Variants in ACADVL observed in about 807,000 individuals in gnomAD.
ACADVL encodes acyl-CoA dehydrogenase very long chain, also known as very long-chain acyl-CoA dehydrogenase, mitochondrial.
Under a neutral mutation model 80.4 loss-of-function variants are expected in ACADVL, and 73 were observed. That is an observed-to-expected ratio of 0.91 (90% confidence interval 0.75 to 1.10). The LOEUF (loss-of-function observed/expected upper bound fraction) is 1.10, where lower values mean the gene tolerates loss of function less well. Ranked by LOEUF, ACADVL falls within the 50% of genes least tolerant of loss-of-function variation. ACADVL has a pLI of 0.00. For missense variants in ACADVL, 878 were observed against 858.9 expected, an observed-to-expected ratio of 1.02 and a Z score of -0.28; for synonymous variants, 392 against 326.5, an observed-to-expected ratio of 1.20 and a Z score of -2.16.
In ACADVL at chr17:7,222,825, C is replaced by G; in HGVS notation, c.1037C>G (p.Ala346Gly). 6.2e-7 allele frequency: 1 copy of G among 1,613,332 alleles called. No individual in the cohort carries two copies. Among genetic ancestry groups the G allele is most frequent in the South Asian group, 1.1e-5 (1 of 91,034 alleles). The change falls in exon 10 of 20, where the codon GCG becomes GGG. Residue 346 changes from alanine to glycine, a missense_variant. Ala to Gly is a moderately conservative substitution (Grantham distance 60). Coordinates refer to ENST00000356839, the MANE Select transcript of ACADVL (RefSeq NM_000018.4). ...AACAATGGAAGGTTTGGCATGGCTG[C>G]GGCCCTGGCAGGTACCATGAGAGGC... is the stretch of plus-strand genomic sequence containing the variant. ...ILNNGRFGMA[A>G]ALAGTMRGII...
At position 7,220,448 on chromosome 17, in the gene ACADVL, C is replaced by T. The variant is rs758986446; in HGVS notation, c.139-16C>T. 12 of 1,614,104 alleles carry T rather than the reference C, an allele frequency of 7.4e-6. No homozygotes were observed. The South Asian group carries it at 8.8e-5, about 12-fold the overall frequency. On this transcript the variant is annotated splice_polypyrimidine_tract_variant and intron_variant, in intron 2 of 19. Coordinates refer to ENST00000356839, the MANE Select transcript of ACADVL (RefSeq NM_000018.4). ...GAAGTCCCTTCCCTGAACTTGCTAA[C>T]CGTCTCTTTTCCCAGCTGGCTCTGG...
intron 1 of ACADVL, 22 bp downstream of exon 1, chr17:7,220,068 C>T: frequency 6.3e-7 from 1 of 1,599,340 alleles, no homozygotes; most frequent in Non-Finnish European, 8.5e-7. Context: ...ACAAGAGGGA[C>T]GGTGGGCAGC....
intron 6 of ACADVL, chr17:7,221,323 C>A: frequency 1.1e-6 from 1 of 930,464 alleles, no homozygotes; most frequent in Non-Finnish European, 1.6e-6. Flanking sequence ...AGTAGCAAGT[C>A]ACCCTCCTAC....
chr17:7,220,311 G>GA, intron 2 of ACADVL, 114 bp downstream of exon 2: 1 of 1,504,890 alleles, frequency 6.6e-7, no homozygotes, highest in Non-Finnish European at 9.0e-7. Context: ...CTCAGTCGCC[G>GA]AAAGTAGGGG....
upstream of ACADVL, chr17:7,218,737 G>T: frequency 6.4e-7 from 1 of 1,572,404 alleles, no homozygotes. Flanking sequence ...CTTCACCCCA[G>T]CCCCTACGGA....
intron 11 of ACADVL, 37 bp from the exon 12 acceptor site, chr17:7,223,607 C>T: frequency 6.2e-7 from 1 of 1,610,870 alleles, no homozygotes; most frequent in South Asian, 1.1e-5. Flanking sequence ...AAGCCCTTTG[C>T]AATTTTCCTT....
chr17:7,219,814 A>C, upstream of ACADVL: 1 of 1,529,872 alleles, frequency 6.5e-7, no homozygotes, highest in South Asian at 1.2e-5. Context: ...AGCGGAACGC[A>C]GGGCCGGGCT....
chr17:7,222,990 C>CTTG, intron 10 of ACADVL, 125 bp downstream of exon 10: 1 of 1,450,394 alleles, frequency 6.9e-7, no homozygotes, highest in Non-Finnish European at 9.6e-7. Context: ...AGCAGCCCGA[C>CTTG]TTGCTAGCTT....
chr17:7,222,293 G>A lies in ACADVL; in HGVS notation c.869G>A (p.Gly290Asp), dbSNP rs866464446. The A allele has an allele frequency of 6.2e-7, 1 of 1,613,824 alleles. No homozygotes were observed. Among genetic ancestry groups the A allele is most frequent in the African/African-American group, 1.3e-5 (1 of 74,904 alleles). ...TAFVVERGFG[G>D]ITHGPPEKKM... Reference sequence around the variant, plus strand: ...TTTGTGGTGGAGAGGGGCTTCGGGGGCATTACCCAGTGAGTGAATTTGGGT... The same window carrying A: ...TTTGTGGTGGAGAGGGGCTTCGGGGACATTACCCAGTGAGTGAATTTGGGT... The change falls in exon 9 of 20, where the codon GGC (glycine) becomes GAC (aspartate). Residue 290 changes from glycine (G) to aspartate (D), a missense_variant. Coordinates refer to ENST00000356839, the MANE Select transcript of ACADVL (RefSeq NM_000018.4).
chr17:7,221,056 C>T lies in ACADVL; in HGVS notation c.475C>T (p.Gln159Ter), dbSNP rs779650201. Residue 159 changes from glutamine to a stop codon, truncating the protein, a stop_gained and splice_region_variant, in exon 6 of 20, where the codon CAG becomes TAG. Transcript: ENST00000356839. LOFTEE classifies it high-confidence loss of function. ...ELGGVGLCNT[Q>*]YARLVEIVGM... is the part of the protein sequence containing the mutation. ...GGGTGGTGTGGGCCTTTGCAACACC[C>T]AGGTGAGGGCGCCCTATCGCCACAT... is the stretch of plus-strand genomic sequence containing the variant. The T allele has an allele frequency of 6.2e-7, 1 of 1,613,316 alleles. No homozygotes were observed. The highest frequency in any genetic ancestry group is 8.5e-7 in the Non-Finnish European group (1 of 1,180,034).
Position 7,224,722 on chromosome 17 carries a change from G to C in ACADVL, c.1751+8G>C. ...GGTGGTGGTTCTCTCGAGGTGAGGA[G>C]GCAGGCAGGGAATGCCTGAGCCGCA... On this transcript the variant is annotated splice_region_variant and intron_variant, in intron 18 of 19. Coordinates refer to ENST00000356839, the MANE Select transcript of ACADVL (RefSeq NM_000018.4). 6.2e-7 allele frequency: 1 copy of C among 1,605,890 alleles called. No individual in the cohort carries two copies.
rs886043236 is a variant in ACADVL, at chr17:7,223,871, T to G, written c.1328T>G (p.Met443Arg). The G allele has an allele frequency of 2.5e-6, 4 of 1,613,968 alleles. No homozygotes were observed. The highest frequency in any genetic ancestry group is 2.5e-6 in the Non-Finnish European group (3 of 1,180,008). The stretch of plus-strand genomic sequence containing the variant: ...CAAATCATGGGGGGTATGGGCTTCA[T>G]GAAGGTACAGGACGGTCTTCTGCAG... ...CIQIMGGMGF[M>R]KEPGVERVLR... Residue 443 changes from methionine to arginine, a missense_variant, in exon 13 of 20, where the codon ATG (methionine) becomes AGG (arginine). Coordinates refer to ENST00000356839, the MANE Select transcript of ACADVL (RefSeq NM_000018.4).
chr17:7,224,854 G>A lies in ACADVL; in HGVS notation c.1797G>A (p.Glu599=). 6.2e-7 allele frequency: 1 copy of A among 1,614,128 alleles called. No individual in the cohort carries two copies. Among genetic ancestry groups the A allele is most frequent in the South Asian group, 1.1e-5 (1 of 91,086 alleles). Residue 599 remains glutamate, a synonymous_variant, in exon 19 of 20, where the codon GAG becomes GAA. Coordinates refer to ENST00000356839, the MANE Select transcript of ACADVL (RefSeq NM_000018.4). ...LSEGHPTAQH[E]KMLCDTWCIE... is the part of the protein sequence containing the mutation. Reference sequence around the variant, plus strand: ...AGGGCCACCCCACGGCCCAGCATGAGAAAATGCTCTGTGACACCTGGTGTA... The same window carrying A: ...AGGGCCACCCCACGGCCCAGCATGAAAAAATGCTCTGTGACACCTGGTGTA...
intron 9 of ACADVL, 143 bp from the exon 10 acceptor site, chr17:7,222,524 G>A (rs1488263323): frequency 1.7e-6 from 2 of 1,150,534 alleles, no homozygotes; most frequent in Non-Finnish European, 2.5e-6. Flanking sequence ...AGCCCTCAGG[G>A]CCTGAGGGGA....
chr17:7,219,875 C>G (rs78514016), upstream of ACADVL: 6 of 1,540,592 alleles, frequency 3.9e-6, no homozygotes, highest in Non-Finnish European at 5.2e-6. Flanking sequence ...CCGTCCGCCG[C>G]CCGGTGCACT....
At chr17:7,221,827 C>T (rs2142975736) in intron 7 of ACADVL, 125 bp from the exon 8 acceptor site, 2 of 1,587,344 alleles carry the variant, frequency 1.3e-6, no homozygotes, top group South Asian at 2.2e-5. Flanking sequence ...CTGGTTGGGA[C>T]ATGCAAAAGA....
chr17:7,219,824 T>A, upstream of ACADVL: 8 of 1,533,794 alleles, frequency 5.2e-6, no homozygotes, highest in Non-Finnish European at 7.0e-6. Flanking sequence ...AGGGCCGGGC[T>A]CCAGGGAACT....
intron 3 of ACADVL, 31 bp from the exon 4 acceptor site, chr17:7,220,573 A>T (rs1272226165): frequency 5.6e-6 from 9 of 1,614,210 alleles, no homozygotes; most frequent in Non-Finnish European, 6.8e-6. Flanking sequence ...AGACCCAACC[A>T]GAGCCCTGAA....
rs1302411552 is a variant in ACADVL, at chr17:7,223,915, G to A, written c.1332+40G>A. On this transcript the variant is annotated intron_variant, in intron 13 of 19. Transcript: ENST00000356839. ...TCTGCAGAGCCTCGGCTGGGCCAGG[G>A]GTGGGTAGGCACATCTCAGCACGGG... 3 of 1,613,692 alleles carry A rather than the reference G, an allele frequency of 1.9e-6. No homozygotes were observed. In the African/African-American group the frequency reaches 4.0e-5, roughly 22 times the overall value.
Sources: allele counts gnomAD v4.1 joint callset, GRCh38; gene constraint gnomAD v4.1.1; transcripts MANE v1.5; gene names NCBI Gene and HGNC (gene_info 2026-07-23, HGNC 2026-07-21).